Variants in CCNY observed in about 807,000 individuals in gnomAD.
The protein encoded by CCNY is cyclin Y.
In CCNY, 19 loss-of-function variants were observed where a neutral mutation model predicts 42.8. That is an observed-to-expected ratio of 0.44 (90% CI 0.31 to 0.65). The LOEUF is 0.65. Among genes scored for constraint, CCNY ranks in the 30% least tolerant of loss-of-function variants. The pLI, the probability that CCNY is intolerant of heterozygous loss-of-function variation, is 0.07. For synonymous variants in CCNY, 165 were observed against 162.7 expected, an observed-to-expected ratio of 1.01 and a Z score of -0.11; for missense variants, 370 against 437.3, an observed-to-expected ratio of 0.85 and a Z score of 1.37.
In CCNY at chr10:35,553,113, A is replaced by G; in HGVS notation, c.674A>G (p.Lys225Arg). ...TTAGGGGCGATCCTGCTGGCCTCCA[A>G]GGTGTGGGATGACCAGGCTGTATGG... is the stretch of plus-strand genomic sequence containing the variant. ...IVLGAILLAS[K>R]VWDDQAVWNV... The change falls in exon 8 of 10, where the codon AAG becomes AGG. Residue 225 changes from lysine to arginine, a missense_variant. By Grantham distance (26) the Lys-to-Arg change is conservative. Transcript: ENST00000374704. The G allele has an allele frequency of 6.2e-7, 1 of 1,614,172 alleles. No homozygotes were observed. The highest frequency in any genetic ancestry group is 8.5e-7 in the Non-Finnish European group (1 of 1,180,024).
chr10:35,384,150 G>A (rs927308451), intron 1 of CCNY, among the ~76,000 whole-genome samples: 1 of 152,042 alleles, frequency 6.6e-6, no homozygotes, highest in Non-Finnish European at 1.5e-5. Flanking sequence ...AAAAGTATTT[G>A]AGACAGGTCG....
At chr10:35,567,997 G>T (rs1160071969) in intron 9 of CCNY, among the ~76,000 whole-genome samples, 4 of 152,222 alleles carry the variant, frequency 2.6e-5, no homozygotes, top group African/African-American at 9.6e-5. Flanking sequence ...GAGAGCATGA[G>T]CCCCCTCTCA....
intron 7 of CCNY, among the ~76,000 whole-genome samples, chr10:35,547,181 C>A (rs1180853511): frequency 6.6e-6 from 1 of 152,164 alleles, no homozygotes; most frequent in African/African-American, 2.4e-5. Context: ...AGATCTTTAT[C>A]TGAAGAGTTA....
At chr10:35,563,951 G>A (rs956887692) in intron 8 of CCNY, among the ~76,000 whole-genome samples, 3 of 149,816 alleles carry the variant, frequency 2.0e-5, no homozygotes, top group Admixed American at 6.7e-5. Context: ...ATCTTGGCTC[G>A]CTTCAACCTC....
chr10:35,503,920 T>C (rs1399099255), intron 3 of CCNY, among the ~76,000 whole-genome samples: 1 of 152,228 alleles, frequency 6.6e-6, no homozygotes, highest in African/African-American at 2.4e-5. Context: ...AGAGATAACA[T>C]TTATAATTAA....
chr10:35,460,109 A>G (rs1182154418), intron 1 of CCNY, among the ~76,000 whole-genome samples: 1 of 152,152 alleles, frequency 6.6e-6, no homozygotes, highest in Non-Finnish European at 1.5e-5. Flanking sequence ...GTGTCATGGG[A>G]AAGAATGGCC....
At chr10:35,448,001 G>T (rs116393920) in intron 1 of CCNY, among the ~76,000 whole-genome samples, 1,530 of 152,288 alleles carry the variant, frequency 0.01, 36 homozygotes, top group African/African-American at 0.035. Context: ...TATCAGAAAG[G>T]CCACTTGTTC....
At chr10:35,470,664 C>T (rs917622620) in intron 1 of CCNY, among the ~76,000 whole-genome samples, 1 of 152,198 alleles carries the variant, frequency 6.6e-6, no homozygotes, top group Non-Finnish European at 1.5e-5. Flanking sequence ...ACTGCAGTAG[C>T]AGCACTTGGC....
intron 1 of CCNY, among the ~76,000 whole-genome samples, chr10:35,359,089 C>G (rs1836623947): frequency 1.3e-5 from 2 of 152,228 alleles, no homozygotes; most frequent in Admixed American, 1.3e-4. Context: ...TAAGTGCGGA[C>G]TGCCAGGGAT....
intron 2 of CCNY, among the ~76,000 whole-genome samples, chr10:35,485,724 CAAAAAAAAAAAAAAACA>C (rs1839772112): frequency 1.0e-5 from 1 of 97,784 alleles, no homozygotes; most frequent in African/African-American, 3.7e-5. Flanking sequence ...GACTCCGTCT[CAAAAAAAAAAAAAAACA>C]AAAAAAAAAA....
chr10:35,490,774 G>A (rs1433028022), intron 2 of CCNY, among the ~76,000 whole-genome samples: 1 of 152,238 alleles, frequency 6.6e-6, no homozygotes, highest in Non-Finnish European at 1.5e-5. Context: ...AACCCCAGTG[G>A]CTGCTTGTCT....
chr10:35,331,203 G>A (rs1444557992), intron 3 of CCNY, among the ~76,000 whole-genome samples: 3 of 152,228 alleles, frequency 2.0e-5, no homozygotes, highest in African/African-American at 7.2e-5. Context: ...GGAGATGGGA[G>A]AACAGCCATT....
intron 5 of CCNY, among the ~76,000 whole-genome samples, chr10:35,529,398 C>T (rs540895778): frequency 7.2e-5 from 11 of 152,138 alleles, no homozygotes; most frequent in South Asian, 4.2e-4. Flanking sequence ...TGCCTAGATT[C>T]GATTCATTTG....
chr10:35,525,275 C>T (rs935729530), intron 4 of CCNY, among the ~76,000 whole-genome samples: 3 of 151,896 alleles, frequency 2.0e-5, no homozygotes, highest in African/African-American at 4.8e-5. Context: ...TTTATTTGGG[C>T]GGAATATTTT....
At chr10:35,375,821 G>T (rs113117612) in intron 1 of CCNY, among the ~76,000 whole-genome samples, 1 of 152,188 alleles carries the variant, frequency 6.6e-6, no homozygotes, top group Non-Finnish European at 1.5e-5. Flanking sequence ...AGGCGAAGGC[G>T]TGATGACCTG....
chr10:35,336,977 C>A lies in CCNY; in HGVS notation c.-77C>A. The A allele has an allele frequency of 8.4e-7, 1 of 1,191,318 alleles. No individual in the cohort carries two copies. The highest frequency in any genetic ancestry group is 1.1e-6 in the Non-Finnish European group (1 of 935,640). The allele number at this position is 1,191,318 out of a possible 1,614,324, so 73.8% of individuals were successfully genotyped here. ...CCTCCCCACACGCCCCCGCCGCCCG[C>A]GCCCCGCGTCCACCCGCGCCCCGCT... On this transcript the variant is annotated 5_prime_UTR_variant, in exon 1 of 10. Coordinates refer to ENST00000374704, the MANE Select transcript of CCNY (RefSeq NM_145012.6).
chr10:35,479,795 A>G (rs1325350248), intron 1 of CCNY, among the ~76,000 whole-genome samples: 3 of 152,026 alleles, frequency 2.0e-5, no homozygotes, highest in African/African-American at 7.3e-5. Flanking sequence ...ATAGAGGTGA[A>G]CTGAAACCAC....
intron 1 of CCNY, among the ~76,000 whole-genome samples, chr10:35,375,672 T>C (rs1269729700): frequency 3.3e-5 from 5 of 152,212 alleles, no homozygotes; most frequent in African/African-American, 1.2e-4. Flanking sequence ...TTTTGCTGCC[T>C]CACAGATGTA....
intron 9 of CCNY, 22 bp from the exon 10 acceptor site, chr10:35,569,032 C>A: frequency 6.6e-7 from 1 of 1,510,762 alleles, no homozygotes; most frequent in Non-Finnish European, 9.2e-7. Flanking sequence ...CCCTGACCCA[C>A]ACTGTCTTTC....
Sources: gnomAD v4.1 joint callset for allele counts (sites outside exome capture counted in the v4.1 genomes callset) on GRCh38, gnomAD v4.1.1 for gene constraint, MANE v1.5 for transcripts, NCBI Gene and HGNC (gene_info 2026-07-23, HGNC 2026-07-21) for gene names.